ROBO2: variants seen among roughly 807,000 people sequenced by gnomAD.
ROBO2 encodes the protein roundabout guidance receptor 2, also known as roundabout homolog 2.
In ROBO2, 53 loss-of-function variants were observed where a neutral mutation model predicts 160.8. The observed-to-expected ratio is 0.33, with a 90% confidence interval of 0.26 to 0.41. The LOEUF is 0.41. ROBO2 is among the 10% of genes least tolerant of loss of function. The pLI, the probability that ROBO2 is intolerant of heterozygous loss-of-function variation, is 1.00. For missense variants in ROBO2, 1,577 were observed against 1,722.4 expected (o/e 0.92, Z 1.49); for synonymous variants, 664 against 611.7 (o/e 1.09, Z -1.26).
chr3:76,943,403 T>A (rs904816582), intron 2 of ROBO2, among the ~76,000 whole-genome samples: 1 of 152,240 alleles, frequency 6.6e-6, no homozygotes, highest in African/African-American at 2.4e-5. Flanking sequence ...CATTCACCTA[T>A]AATTGTTCTT....
chr3:76,064,988 C>T (rs2068203617), intron 2 of ROBO2, among the ~76,000 whole-genome samples: 1 of 151,946 alleles, frequency 6.6e-6, no homozygotes, highest in African/African-American at 2.4e-5. Flanking sequence ...TATGTATAGT[C>T]ATTAATCAAT....
chr3:77,347,549 T>A (rs1452485630), intron 2 of ROBO2, among the ~76,000 whole-genome samples: 1 of 152,110 alleles, frequency 6.6e-6, no homozygotes, highest in Non-Finnish European at 1.5e-5. Context: ...TTTCTGCTCA[T>A]AATTTGTATT....
chr3:76,082,459 T>G (rs541173932), intron 2 of ROBO2, among the ~76,000 whole-genome samples: 1 of 152,210 alleles, frequency 6.6e-6, no homozygotes, highest in East Asian at 1.9e-4. Flanking sequence ...GGTAAACAAC[T>G]GACAGTTTCT....
intron 2 of ROBO2, among the ~76,000 whole-genome samples, chr3:77,349,036 T>G (rs960128490): frequency 2.0e-5 from 3 of 152,162 alleles, no homozygotes; most frequent in East Asian, 3.9e-4. Flanking sequence ...CTGCCTTGCT[T>G]CTTCTTCTCA....
intron 5 of ROBO2, among the ~76,000 whole-genome samples, chr3:77,517,923 G>A (rs547746164): frequency 6.6e-6 from 1 of 151,554 alleles, no homozygotes; most frequent in East Asian, 2.0e-4. Context: ...GTGGCTTCAG[G>A]CATCTACTAA....
chr3:76,743,945 G>A (rs2093843398), intron 2 of ROBO2, among the ~76,000 whole-genome samples: 1 of 152,056 alleles, frequency 6.6e-6, no homozygotes, highest in Non-Finnish European at 1.5e-5. Flanking sequence ...AAAGATTATT[G>A]GGTTTTGTAA....
chr3:77,473,298 T>G (rs73103666), intron 2 of ROBO2, among the ~76,000 whole-genome samples: 11,409 of 151,570 alleles, frequency 0.075, 471 homozygotes, highest in African/African-American at 0.11. Context: ...AAAATAATAA[T>G]AAGAAGAAGA....
intron 2 of ROBO2, among the ~76,000 whole-genome samples, chr3:76,750,093 T>C (rs1489185209): frequency 6.6e-6 from 1 of 152,074 alleles, no homozygotes; most frequent in Non-Finnish European, 1.5e-5. Context: ...ATAAAGCTTA[T>C]CCACCATGAT....
chr3:76,508,165 G>A (rs1028541718), intron 2 of ROBO2, among the ~76,000 whole-genome samples: 10 of 152,028 alleles, frequency 6.6e-5, no homozygotes, highest in East Asian at 5.8e-4. Context: ...ACTTGTCATT[G>A]TTAATTTTAG....
chr3:76,645,910 A>G (rs949329652), intron 2 of ROBO2, among the ~76,000 whole-genome samples: 3 of 152,166 alleles, frequency 2.0e-5, no homozygotes, highest in African/African-American at 7.2e-5. Flanking sequence ...GGAGCTGTCC[A>G]TTGTATAGAG....
chr3:76,348,795 A>G (rs1291241731), intron 2 of ROBO2, among the ~76,000 whole-genome samples: 1 of 152,096 alleles, frequency 6.6e-6, no homozygotes, highest in Non-Finnish European at 1.5e-5. Context: ...CTAACCACAA[A>G]TCTAAATTGC....
chr3:76,358,922 C>A (rs991464738), intron 2 of ROBO2, among the ~76,000 whole-genome samples: 1 of 125,402 alleles, frequency 8.0e-6, no homozygotes, highest in African/African-American at 3.0e-5. Flanking sequence ...TCCCTCCCCC[C>A]TCCCCCCACC....
At chr3:77,199,123 G>A (rs1179433070) in intron 2 of ROBO2, among the ~76,000 whole-genome samples, 1 of 152,116 alleles carries the variant, frequency 6.6e-6, no homozygotes, top group Non-Finnish European at 1.5e-5. Context: ...ATATTCAGTG[G>A]AAGATAAAGT....
intron 2 of ROBO2, among the ~76,000 whole-genome samples, chr3:76,777,734 T>C (rs555538963): frequency 2.6e-5 from 4 of 151,198 alleles, no homozygotes; most frequent in African/African-American, 9.7e-5. Flanking sequence ...CTCTGGTTCT[T>C]GTATAAGAGA....
intron 2 of ROBO2, among the ~76,000 whole-genome samples, chr3:76,666,242 C>G (rs1490407447): frequency 6.6e-6 from 1 of 151,594 alleles, no homozygotes; most frequent in Non-Finnish European, 1.5e-5. Context: ...TTGTGCTTAG[C>G]ACATAACAGC....
chr3:76,830,811 T>TAAAAAATAAAA (rs2067020556), intron 2 of ROBO2, among the ~76,000 whole-genome samples: 1 of 132,556 alleles, frequency 7.5e-6, no homozygotes. Flanking sequence ...ACCTCATTTC[T>TAAAAAATAAAA]AAAAAAAAAA....
At chr3:77,163,111 C>A (rs1211048630) in intron 2 of ROBO2, among the ~76,000 whole-genome samples, 1 of 152,132 alleles carries the variant, frequency 6.6e-6, no homozygotes, top group African/African-American at 2.4e-5. Context: ...GCTGGGATTA[C>A]AGGTGTGAGC....
At chr3:76,683,359 T>G (rs2092610393) in intron 2 of ROBO2, among the ~76,000 whole-genome samples, 1 of 151,986 alleles carries the variant, frequency 6.6e-6, no homozygotes, top group African/African-American at 2.4e-5. Flanking sequence ...TGATTTTTTT[T>G]TTATAGATGG....
chr3:77,288,923 C>G (rs2060819343), intron 2 of ROBO2, among the ~76,000 whole-genome samples: 1 of 152,004 alleles, frequency 6.6e-6, no homozygotes, highest in Non-Finnish European at 1.5e-5. Flanking sequence ...GTAAAGTTGT[C>G]AATATATTTA....
Sources: allele counts gnomAD v4.1 joint callset (sites outside exome capture counted in the v4.1 genomes callset), GRCh38; gene constraint gnomAD v4.1.1; transcripts MANE v1.5; gene names NCBI Gene and HGNC (gene_info 2026-07-23, HGNC 2026-07-21).